CLPB: variants seen among roughly 807,000 people sequenced by gnomAD.
The protein encoded by CLPB is mitochondrial disaggregase.
CLPB carries 40 observed loss-of-function variants against 78.4 expected under a neutral mutation model. The ratio of observed to expected loss-of-function variants is 0.51; its 90% confidence interval spans 0.40 to 0.66. The LOEUF (loss-of-function observed/expected upper bound fraction) is 0.66. CLPB is among the 30% of genes least tolerant of loss of function. The pLI is 0.00. For synonymous variants in CLPB, 333 were observed against 348.0 expected, an observed-to-expected ratio of 0.96 and a Z score of 0.48; for missense variants, 780 against 886.9, an observed-to-expected ratio of 0.88 and a Z score of 1.53.
chr11:72,413,331 C>A, intron 2 of CLPB, among the ~76,000 whole-genome samples: 1 of 151,766 alleles, frequency 6.6e-6, no homozygotes, highest in Non-Finnish European at 1.5e-5. Flanking sequence ...AAATAAATAG[C>A]CTTCACTCAT....
At position 72,294,374 on chromosome 11, in the gene CLPB, G is replaced by C. The variant is rs1430716011; in HGVS notation, c.1631C>G (p.Ser544Trp). 11 of 1,614,218 alleles carry C rather than the reference G, an allele frequency of 6.8e-6. No individual in the cohort carries two copies. The highest frequency in any genetic ancestry group is 9.3e-6 in the Non-Finnish European group (11 of 1,180,040). The change falls in exon 14 of 16, where the codon TCG becomes TGG. Residue 544 changes from serine to tryptophan, a missense_variant. Ser to Trp is a radical substitution (Grantham distance 177). Transcript: ENST00000538039. ...EIVYFLPFCH[S>W]ELIQLVNKEL... ...CTTGTTGACGAGTTGGATGAGCTCC[G>C]AGTGGCAGAAGGGGAGGAAGTAGAC...
intron 3 of CLPB, among the ~76,000 whole-genome samples, chr11:72,392,932 G>A (rs1855296895): frequency 1.3e-5 from 2 of 152,168 alleles, no homozygotes; most frequent in South Asian, 4.1e-4. Flanking sequence ...CATAGTACCA[G>A]GAACAGTGAT....
At chr11:72,293,952 G>C (rs1949498080) in intron 15 of CLPB, 70 bp downstream of exon 15, 14 of 1,354,952 alleles carry the variant, frequency 1.0e-5, no homozygotes, top group Non-Finnish European at 1.4e-5. Context: ...TGAGAGCTCA[G>C]GGACTGGGTC....
chr11:72,307,996 TG>T (rs1426242611), intron 8 of CLPB, among the ~76,000 whole-genome samples: 2 of 151,916 alleles, frequency 1.3e-5, no homozygotes, highest in Non-Finnish European at 2.9e-5. Context: ...AGTGAAGGAA[TG>T]GGGGGGTTCT....
At chr11:72,385,710 C>T (rs889905774) in intron 3 of CLPB, among the ~76,000 whole-genome samples, 7 of 152,242 alleles carry the variant, frequency 4.6e-5, no homozygotes, top group Admixed American at 1.3e-4. Flanking sequence ...GTAATCCCAG[C>T]TACTTGGGAG....
At chr11:72,335,492 T>C (rs888513193) in intron 5 of CLPB, among the ~76,000 whole-genome samples, 1 of 152,194 alleles carries the variant, frequency 6.6e-6, no homozygotes, top group African/African-American at 2.4e-5. Context: ...ATTTTTCATA[T>C]ATGAGTCCCA....
rs1199833559 is a variant in CLPB, at chr11:72,289,797, G to A, written c.*3570C>T. ...TTGCTATGATGCGCAGGCTGGTCTT[G>A]AACTCCTGGGCTCAAGTGATCCTCC... On this transcript the variant is annotated 3_prime_UTR_variant, in exon 16 of 16. Transcript: ENST00000538039. 1 of 152,056 alleles carries A rather than the reference G, an allele frequency of 6.6e-6. No individual in the cohort carries two copies. Among genetic ancestry groups the A allele is most frequent in the Non-Finnish European group, 1.5e-5 (1 of 68,016 alleles). The allele number at this position is 152,056 out of a possible 1,614,324, so 9.4% of individuals were successfully genotyped here. A position where few individuals can be genotyped will look rare whatever the true frequency, so the allele number is the denominator to read the frequency against.
chr11:72,363,211 G>T (rs1029777597), intron 4 of CLPB, among the ~76,000 whole-genome samples: 4 of 149,152 alleles, frequency 2.7e-5, no homozygotes, highest in Admixed American at 2.7e-4. Context: ...GAGGGGAGGG[G>T]ACGGAGGGAA....
intron 3 of CLPB, among the ~76,000 whole-genome samples, chr11:72,388,250 C>CTT (rs60096746): frequency 0.032 from 4,375 of 138,062 alleles, 266 homozygotes; most frequent in African/African-American, 0.11. Flanking sequence ...TTCCCTTCCC[C>CTT]TTTTTTTTTT....
intron 5 of CLPB, among the ~76,000 whole-genome samples, chr11:72,338,169 ACAGGGGAGTGAGGAGATGAGGATGT>A (rs1413458922): frequency 6.6e-6 from 1 of 152,294 alleles, no homozygotes; most frequent in South Asian, 2.1e-4. Flanking sequence ...TCATTATACT[ACAGGGGAGTGAGGAGATGAGGATGT>A]CAGGGGAGTG....
At chr11:72,315,140 G>A (rs1271149941) in intron 7 of CLPB, among the ~76,000 whole-genome samples, 1 of 152,040 alleles carries the variant, frequency 6.6e-6, no homozygotes, top group Non-Finnish European at 1.5e-5. Context: ...GCTGTAAGGG[G>A]TGAGGGGGAG....
At chr11:72,363,042 G>T (rs1011274511) in intron 4 of CLPB, among the ~76,000 whole-genome samples, 1 of 152,144 alleles carries the variant, frequency 6.6e-6, no homozygotes, top group African/African-American at 2.4e-5. Flanking sequence ...TGTAGTCCCA[G>T]CTACTCGGGA....
chr11:72,336,984 T>C lies in CLPB; in HGVS notation c.776-7180A>G, dbSNP rs1308308024. On this transcript the variant is annotated intron_variant, in intron 5 of 15. Transcript: ENST00000538039. The stretch of plus-strand genomic sequence containing the variant: ...ATCAGTGCTCTCCCTTCTGGGCTCC[T>C]AGTGTCCTCCCTACTTACTCCTTTT... 6.5e-5 allele frequency: 26 copies of C among 398,140 alleles called. No homozygotes were observed. The East Asian group carries it at 9.3e-4, about 14-fold the overall frequency. 24.7% of individuals were successfully genotyped at this position (398,140 alleles called of 1,614,324 possible).
At chr11:72,342,925 C>A (rs1175212774) in intron 5 of CLPB, among the ~76,000 whole-genome samples, 1 of 152,314 alleles carries the variant, frequency 6.6e-6, no homozygotes, top group East Asian at 1.9e-4. Flanking sequence ...GCACACAATG[C>A]CCACACATCT....
intron 5 of CLPB, among the ~76,000 whole-genome samples, chr11:72,348,826 A>C (rs1340273521): frequency 1.3e-5 from 2 of 152,164 alleles, no homozygotes; most frequent in Non-Finnish European, 1.5e-5. Flanking sequence ...TAATTCAACA[A>C]ATGTTGGCTA....
Position 72,293,240 on chromosome 11 carries a change from G to T in CLPB, c.*127C>A. ...GAGAAGGGGTCTTCATGGGCTGTGA[G>T]GAGGTAAGCAGGCCTGAGACTGGGT... On this transcript the variant is annotated 3_prime_UTR_variant, in exon 16 of 16. Transcript: ENST00000538039. The T allele has an allele frequency of 8.3e-7, 1 of 1,199,550 alleles. No individual in the cohort carries two copies. The allele number at this position is 1,199,550 out of a possible 1,614,324, so 74.3% of individuals were successfully genotyped here.
At position 72,300,234 on chromosome 11, in the gene CLPB, C is replaced by T. The variant is rs189854752; in HGVS notation, c.1329+1569G>A. 1.1e-4 allele frequency among the ~76,000 whole-genome samples: 17 copies of T among 152,186 alleles called. No homozygotes were observed. In the East Asian group the frequency reaches 1.2e-3, roughly 10 times the overall value. On this transcript the variant is annotated intron_variant, in intron 11 of 15. Transcript: ENST00000538039. ...GTTTCCACATCTGTTCAATGGAGGC[C>T]GTAATAATAGCTAGCTTTGGAGGGT...
At chr11:72,400,933 A>G (rs1216603787) in intron 3 of CLPB, among the ~76,000 whole-genome samples, 1 of 152,162 alleles carries the variant, frequency 6.6e-6, no homozygotes, top group Non-Finnish European at 1.5e-5. Context: ...TGTTTTCCCC[A>G]TTAGACTGCA....
intron 5 of CLPB, among the ~76,000 whole-genome samples, chr11:72,347,687 C>A (rs1411167216): frequency 6.6e-6 from 1 of 151,824 alleles, no homozygotes; most frequent in Non-Finnish European, 1.5e-5. Context: ...ACAGAATAAC[C>A]CCCCACCCTC....
Sources: gnomAD v4.1 joint callset for allele counts (sites outside exome capture counted in the v4.1 genomes callset) on GRCh38, gnomAD v4.1.1 for gene constraint, MANE v1.5 for transcripts, NCBI Gene and HGNC (gene_info 2026-07-23, HGNC 2026-07-21) for gene names.